EHBP1: variants seen among roughly 807,000 people sequenced by gnomAD.
EHBP1 encodes EH domain-binding protein 1.
A neutral mutation model predicts 144.0 loss-of-function variants in EHBP1; 55 were observed. The observed-to-expected ratio is 0.38, with a 90% CI of 0.31 to 0.48. The LOEUF (loss-of-function observed/expected upper bound fraction) is 0.48. Ranked by LOEUF, EHBP1 falls within the 20% of genes least tolerant of loss-of-function variation. EHBP1 has a pLI of 0.98. For synonymous variants in EHBP1, 469 were observed against 472.7 expected (o/e 0.99, Z 0.10); for missense variants, 1,200 against 1,364.2 (o/e 0.88, Z 1.90).
At chr2:62,860,934 GAGT>G (rs1253302074) in intron 8 of EHBP1, among the ~76,000 whole-genome samples, 1 of 151,836 alleles carries the variant, frequency 6.6e-6, no homozygotes, top group Non-Finnish European at 1.5e-5. Context: ...ATGCCTATTA[GAGT>G]CTTTAGAGTA....
intron 10 of EHBP1, among the ~76,000 whole-genome samples, chr2:62,897,905 T>G (rs2053072087): frequency 6.6e-6 from 1 of 152,186 alleles, no homozygotes; most frequent in African/African-American, 2.4e-5. Flanking sequence ...TAATGTAGTA[T>G]CCACAAGCTA....
Position 62,942,900 on chromosome 2 carries a change from A to C in EHBP1, c.1364+4A>C. 1 of 1,570,254 alleles carries C rather than the reference A, an allele frequency of 6.4e-7. No individual in the cohort carries two copies. The highest frequency in any genetic ancestry group is 8.7e-7 in the Non-Finnish European group (1 of 1,152,198). On this transcript the variant is annotated splice_donor_region_variant and intron_variant, in intron 11 of 22. Coordinates refer to ENST00000431489, the MANE Select transcript of EHBP1 (RefSeq NM_001142616.3). Reference sequence around the variant, plus strand: ...ACCACTTTAGACCAGATTTAATGTAAGTAGAAACATTTTCCATTCCCTATA... The same window carrying C: ...ACCACTTTAGACCAGATTTAATGTACGTAGAAACATTTTCCATTCCCTATA...
chr2:62,865,283 A>C (rs2049950020), intron 9 of EHBP1, among the ~76,000 whole-genome samples: 1 of 152,026 alleles, frequency 6.6e-6, no homozygotes, highest in African/African-American at 2.4e-5. Context: ...TTTTTTTTCC[A>C]TCAAACTCTG....
intron 3 of EHBP1, among the ~76,000 whole-genome samples, chr2:62,753,912 T>C (rs560117020): frequency 6.6e-6 from 1 of 152,172 alleles, no homozygotes; most frequent in Non-Finnish European, 1.5e-5. Context: ...TCTTCAAAGT[T>C]TTTAGCTCCT....
intron 14 of EHBP1, among the ~76,000 whole-genome samples, chr2:62,962,095 T>A (rs1450405034): frequency 6.6e-6 from 1 of 152,108 alleles, no homozygotes; most frequent in African/African-American, 2.4e-5. Flanking sequence ...GAGGCCAAGG[T>A]GAGCAGATAA....
intron 9 of EHBP1, among the ~76,000 whole-genome samples, chr2:62,869,171 G>T (rs2050268021): frequency 6.6e-6 from 1 of 151,934 alleles, no homozygotes; most frequent in Non-Finnish European, 1.5e-5. Context: ...AGGATGTGGG[G>T]CCACCGGAAC....
intron 19 of EHBP1, among the ~76,000 whole-genome samples, 165 bp from the exon 20 acceptor site, chr2:63,037,370 G>T (rs764028847): frequency 3.8e-4 from 58 of 151,936 alleles, no homozygotes; most frequent in Non-Finnish European, 6.3e-4. Context: ...CCTTAAGATT[G>T]ACTTTTCTTT....
chr2:62,680,306 C>T (rs1440455442), intron 1 of EHBP1, among the ~76,000 whole-genome samples: 1 of 152,204 alleles, frequency 6.6e-6, no homozygotes, highest in East Asian at 1.9e-4. Context: ...TTCTACCCTC[C>T]CCTGTTCCTC....
chr2:62,771,422 C>T (rs1413307521), intron 5 of EHBP1, 30 bp downstream of exon 5: 1 of 1,543,686 alleles, frequency 6.5e-7, no homozygotes, highest in Non-Finnish European at 8.8e-7. Context: ...CTTCACCTTT[C>T]ACATTTTCAA....
chr2:62,998,536 G>T (rs1417689839), intron 19 of EHBP1, among the ~76,000 whole-genome samples: 3 of 152,020 alleles, frequency 2.0e-5, no homozygotes, highest in Non-Finnish European at 2.9e-5. Flanking sequence ...AAGAAGACTT[G>T]TGCCACTAGT....
intron 4 of EHBP1, among the ~76,000 whole-genome samples, chr2:62,770,288 C>T (rs1225882971): frequency 6.6e-6 from 1 of 152,088 alleles, no homozygotes; most frequent in Non-Finnish European, 1.5e-5. Flanking sequence ...GTCTAATATC[C>T]AGCATCTCTA....
At chr2:62,819,590 C>A (rs1314954295) in intron 5 of EHBP1, among the ~76,000 whole-genome samples, 1 of 151,746 alleles carries the variant, frequency 6.6e-6, no homozygotes, top group Non-Finnish European at 1.5e-5. Flanking sequence ...ATGGTGAAAC[C>A]CCGTCTTTAC....
In EHBP1 at chr2:62,826,219, G is replaced by A. The variant is rs191293806; in HGVS notation, c.445G>A (p.Ala149Thr). Residue 149 changes from alanine to threonine, a missense_variant, in exon 6 of 23, where the codon GCT becomes ACT. Physicochemically the swap from Ala to Thr is moderately conservative, Grantham distance 58. Around this residue, in one of 6 missense-constraint regions of EHBP1, gnomAD observed 137 missense variants for 190.1 expected, o/e 0.72. Transcript: ENST00000431489. ...ATTATCTAAAAAAGTTGTATCTGCC[G>A]CTCTTCAGTTTTCATTATCTTGCAT... ...KPLSKKVVSAALQFSLSCIFL... is the reference protein window; with the variant it reads ...KPLSKKVVSATLQFSLSCIFL... The A allele has an allele frequency of 1.5e-4, 246 of 1,605,148 alleles. 1 individual carries two copies. The East Asian group carries it at 4.8e-3, about 31-fold the overall frequency.
At chr2:62,865,097 C>T (rs556866658) in intron 9 of EHBP1, 126 bp downstream of exon 9, 5 of 1,052,358 alleles carry the variant, frequency 4.8e-6, no homozygotes, top group East Asian at 2.4e-5. Context: ...GTATCTAACT[C>T]GTCCACTATC....
chr2:62,751,003 A>G (rs1306284951), intron 3 of EHBP1, among the ~76,000 whole-genome samples: 1 of 152,214 alleles, frequency 6.6e-6, no homozygotes, highest in Non-Finnish European at 1.5e-5. Flanking sequence ...TGCCCTAGCC[A>G]GAACTTCCAA....
chr2:62,808,034 C>T (rs1468360275), intron 5 of EHBP1, among the ~76,000 whole-genome samples: 2 of 145,060 alleles, frequency 1.4e-5, no homozygotes, highest in African/African-American at 2.6e-5. Context: ...ACCTGGCCGA[C>T]AAAGTGAGAC....
intron 10 of EHBP1, among the ~76,000 whole-genome samples, chr2:62,901,296 A>G (rs1170533175): frequency 2.0e-5 from 3 of 152,150 alleles, no homozygotes; most frequent in Non-Finnish European, 2.9e-5. Flanking sequence ...AATGTCTGCT[A>G]GTTTGGGTCA....
At chr2:62,989,569 T>C (rs755457019) in intron 15 of EHBP1, among the ~76,000 whole-genome samples, 1 of 152,132 alleles carries the variant, frequency 6.6e-6, no homozygotes, top group African/African-American at 2.4e-5. Flanking sequence ...CTACTTAATG[T>C]TTTCCAAAAC....
intron 7 of EHBP1, among the ~76,000 whole-genome samples, chr2:62,856,576 C>T (rs571951431): frequency 3.3e-5 from 5 of 152,334 alleles, no homozygotes; most frequent in Non-Finnish European, 7.3e-5. Flanking sequence ...AGGTCAGTAG[C>T]GTGAGCCAAG....
Sources: allele counts gnomAD v4.1 joint callset (sites outside exome capture counted in the v4.1 genomes callset), GRCh38; gene constraint gnomAD v4.1.1; regional missense constraint gnomAD v4.1.1; transcripts MANE v1.5; gene names NCBI Gene and HGNC (gene_info 2026-07-23, HGNC 2026-07-21).